The following SUGCT variants were observed in gnomAD, a reference collection of about 807,000 sequenced individuals.
SUGCT encodes succinyl-CoA:glutarate CoA-transferase.
In SUGCT, 41 loss-of-function variants were observed where a neutral mutation model predicts 55.0. The observed-to-expected ratio is 0.74, with a 90% CI of 0.58 to 0.97. The LOEUF is 0.97. Ranked by LOEUF, SUGCT falls within the 50% of genes least tolerant of loss-of-function variation. The pLI is 0.00. For missense variants in SUGCT, 568 were observed against 547.8 expected, an observed-to-expected ratio of 1.04 and a Z score of -0.37; for synonymous variants, 187 against 200.4, an observed-to-expected ratio of 0.93 and a Z score of 0.56.
the SUGCT span, among the ~76,000 whole-genome samples, chr7:40,871,634 G>T: frequency 6.6e-6 from 1 of 152,130 alleles, no homozygotes; most frequent in African/African-American, 2.4e-5. Flanking sequence ...TTAACTACCT[G>T]AGTGGTTTCT....
At chr7:40,484,114 A>G (rs2151493402) in intron 11 of SUGCT, among the ~76,000 whole-genome samples, 1 of 152,318 alleles carries the variant, frequency 6.6e-6, no homozygotes, top group South Asian at 2.1e-4. Context: ...CATGGTCACA[A>G]AAGTAGATTA....
At chr7:40,980,679 T>C in the SUGCT span, among the ~76,000 whole-genome samples, 218 of 152,130 alleles carry the variant, frequency 1.4e-3, 1 homozygote, top group Non-Finnish European at 2.5e-3. Flanking sequence ...TAAGCAAGTG[T>C]AAAACCTAGG....
chr7:40,253,069 A>G (rs1272170000), intron 7 of SUGCT, among the ~76,000 whole-genome samples: 1 of 152,260 alleles, frequency 6.6e-6, no homozygotes, highest in Non-Finnish European at 1.5e-5. Flanking sequence ...GTTTGGAGTT[A>G]CATAGCATTT....
Position 40,720,488 on chromosome 7 carries a change from T to A in SUGCT, c.1090-28946T>A, listed in dbSNP as rs377060790. 1.4e-4 allele frequency among the ~76,000 whole-genome samples: 22 copies of A among 152,340 alleles called. 2 individuals carry two copies. Among genetic ancestry groups the A allele is most frequent in the Admixed American group, 1.2e-3 (19 of 15,304 alleles). On this transcript the variant is annotated intron_variant, in intron 12 of 13. Coordinates refer to ENST00000335693, the MANE Select transcript of SUGCT (RefSeq NM_001193313.2). Reference sequence around the variant, plus strand: ...AAGACATTTTATTCATGGTGAGGCCTCTGTAGACTCTTCCCCAAAATGTAT... The same window carrying A: ...AAGACATTTTATTCATGGTGAGGCCACTGTAGACTCTTCCCCAAAATGTAT...
intron 11 of SUGCT, among the ~76,000 whole-genome samples, chr7:40,482,000 G>A (rs79384579): frequency 0.019 from 2,821 of 152,168 alleles, 85 homozygotes; most frequent in African/African-American, 0.064. Context: ...CCTACACAAT[G>A]CCTTGTATTT....
chr7:40,533,188 G>A (rs190911872), intron 12 of SUGCT, among the ~76,000 whole-genome samples: 4 of 152,214 alleles, frequency 2.6e-5, no homozygotes, highest in Admixed American at 2.0e-4. Flanking sequence ...ATTTAATTAT[G>A]TGTTGACCAA....
At chr7:40,215,474 T>A (rs1191867093) in intron 6 of SUGCT, among the ~76,000 whole-genome samples, 2 of 152,152 alleles carry the variant, frequency 1.3e-5, no homozygotes, top group African/African-American at 4.8e-5. Context: ...TTAATCACAG[T>A]AATGCAGAAC....
chr7:40,349,647 A>C (rs960704720), intron 9 of SUGCT, among the ~76,000 whole-genome samples: 2 of 150,972 alleles, frequency 1.3e-5, no homozygotes, highest in African/African-American at 4.9e-5. Context: ...CTGGTATACC[A>C]TCACTCATTC....
chr7:40,860,905 A>T (rs1297544715), downstream of SUGCT: 1 of 150,288 alleles, frequency 6.7e-6, no homozygotes, highest in Non-Finnish European at 1.5e-5. Context: ...TAAAATCTGC[A>T]TTTAAATTTG....
intron 9 of SUGCT, among the ~76,000 whole-genome samples, chr7:40,362,851 C>G (rs997796401): frequency 5.5e-4 from 84 of 151,888 alleles, no homozygotes; most frequent in African/African-American, 1.8e-3. Flanking sequence ...TAGAATGTGG[C>G]TTTTAGCCAT....
chr7:40,767,178 A>G (rs1001194853), intron 13 of SUGCT, among the ~76,000 whole-genome samples: 1 of 152,234 alleles, frequency 6.6e-6, no homozygotes, highest in Non-Finnish European at 1.5e-5. Flanking sequence ...AAGTTGGCTT[A>G]CAGGAATTGA....
At chr7:40,842,746 T>C (rs1793338781) in intron 13 of SUGCT, among the ~76,000 whole-genome samples, 1 of 152,228 alleles carries the variant, frequency 6.6e-6, no homozygotes, top group African/African-American at 2.4e-5. Flanking sequence ...TACTCAAAGA[T>C]TTCACACAGC....
chr7:40,140,193 C>G (rs775124420), intron 1 of SUGCT, among the ~76,000 whole-genome samples: 4 of 152,044 alleles, frequency 2.6e-5, no homozygotes, highest in Non-Finnish European at 5.9e-5. Context: ...TGTGAGCCAC[C>G]GTGTCTGGCC....
At chr7:40,776,075 G>T (rs1789434528) in intron 13 of SUGCT, among the ~76,000 whole-genome samples, 1 of 152,158 alleles carries the variant, frequency 6.6e-6, no homozygotes, top group Admixed American at 6.5e-5. Context: ...ATTGCAGTTT[G>T]CAGTGAGGTG....
chr7:40,434,666 C>T (rs1788076357), intron 9 of SUGCT, among the ~76,000 whole-genome samples: 1 of 152,152 alleles, frequency 6.6e-6, no homozygotes, highest in African/African-American at 2.4e-5. Flanking sequence ...CTTAATCTCA[C>T]ATGCATTTTA....
intron 11 of SUGCT, among the ~76,000 whole-genome samples, chr7:40,492,887 C>T (rs1791768438): frequency 6.6e-6 from 1 of 152,160 alleles, no homozygotes; most frequent in South Asian, 2.1e-4. Context: ...GAACTCTTAA[C>T]ACAGGGACGG....
At chr7:40,661,001 A>G (rs1166398811) in intron 12 of SUGCT, among the ~76,000 whole-genome samples, 2 of 152,168 alleles carry the variant, frequency 1.3e-5, no homozygotes, top group African/African-American at 4.8e-5. Flanking sequence ...CCACACCTGT[A>G]TTTGTGCTCT....
chr7:40,588,075 G>A (rs531194687), intron 12 of SUGCT, among the ~76,000 whole-genome samples: 1 of 151,846 alleles, frequency 6.6e-6, no homozygotes, highest in South Asian at 2.1e-4. Flanking sequence ...GCTAATTTTT[G>A]TATTTTTAGT....
chr7:41,004,914 G>C, the SUGCT span, among the ~76,000 whole-genome samples: 2 of 152,200 alleles, frequency 1.3e-5, no homozygotes, highest in African/African-American at 4.8e-5. Context: ...ATGGAACTTA[G>C]AGACAATATG....
Sources: allele counts gnomAD v4.1 joint callset (sites outside exome capture counted in the v4.1 genomes callset), GRCh38; gene constraint gnomAD v4.1.1; transcripts MANE v1.5; gene names NCBI Gene and HGNC (gene_info 2026-07-23, HGNC 2026-07-21).